Variants in LRRC36 observed in about 807,000 individuals in gnomAD.
LRRC36 encodes the protein leucine rich repeat containing 36.
A neutral mutation model predicts 81.1 loss-of-function variants in LRRC36; 62 were observed. That is an observed-to-expected ratio of 0.76 (90% CI 0.62 to 0.94). The LOEUF is 0.94. LRRC36 is among the 40% of genes least tolerant of loss of function. The pLI is 0.00. For synonymous variants in LRRC36, 334 were observed against 348.6 expected, an observed-to-expected ratio of 0.96 and a Z score of 0.47; for missense variants, 761 against 881.7, an observed-to-expected ratio of 0.86 and a Z score of 1.73.
In LRRC36 at chr16:67,378,625, G is replaced by A. The variant is rs924755081; in HGVS notation, c.1843G>A (p.Glu615Lys). The change falls in exon 12 of 14, where the codon GAA becomes AAA. Residue 615 changes from glutamate to lysine, a missense_variant. Glu to Lys is a moderately conservative substitution (Grantham distance 56). Around this residue, in one of 3 missense-constraint regions of LRRC36, gnomAD observed 359 missense variants for 388.4 expected, o/e 0.92. Coordinates refer to ENST00000329956, the MANE Select transcript of LRRC36 (RefSeq NM_018296.6). ...LKQKLVRVLE[E>K]NLILSEKIQQ... ...GCAAAAACTGGTCAGAGTGCTGGAG[G>A]AAAACCTCATTTTGTCAGAAAAAAT... 1.9e-6 allele frequency: 3 copies of A among 1,614,102 alleles called. No individual in the cohort carries two copies. The highest frequency in any genetic ancestry group is 3.3e-5 in the Admixed American group (2 of 60,022).
chr16:67,355,586 G>A (rs2038865983), intron 5 of LRRC36, among the ~76,000 whole-genome samples: 1 of 151,650 alleles, frequency 6.6e-6, no homozygotes, highest in Non-Finnish European at 1.5e-5. Context: ...GTTTTAGCCG[G>A]GATGGTCTCG....
intron 1 of LRRC36, among the ~76,000 whole-genome samples, chr16:67,334,628 C>T (rs1188818715): frequency 4.6e-5 from 7 of 151,952 alleles, no homozygotes; most frequent in East Asian, 1.9e-4. Flanking sequence ...CCTGGCCAGT[C>T]GTGTCCACCA....
chr16:67,340,639 G>C (rs1364230127), intron 1 of LRRC36, among the ~76,000 whole-genome samples: 1 of 151,612 alleles, frequency 6.6e-6, no homozygotes, highest in African/African-American at 2.4e-5. Context: ...TTGGGCGAAA[G>C]AGCAAGACTC....
At chr16:67,378,235 C>CTATTTTTTT (rs2039978641) in intron 11 of LRRC36, among the ~76,000 whole-genome samples, 1 of 100,522 alleles carries the variant, frequency 9.9e-6, no homozygotes. Context: ...ATGTCAGATT[C>CTATTTTTTT]TTTTTTTTTT....
At chr16:67,348,040 T>C (rs575578788) in intron 4 of LRRC36, among the ~76,000 whole-genome samples, 51 of 152,300 alleles carry the variant, frequency 3.3e-4, no homozygotes, top group Non-Finnish European at 1.5e-5. Flanking sequence ...TGAACAAACA[T>C]TGAGGCTCTA....
intron 6 of LRRC36, 34 bp downstream of exon 6, chr16:67,363,748 T>C: frequency 6.2e-7 from 1 of 1,606,116 alleles, no homozygotes; most frequent in Non-Finnish European, 8.5e-7. Context: ...ATCTGTTGAC[T>C]AGTCAATGAT....
At chr16:67,369,357 G>A (rs994246993) in intron 8 of LRRC36, among the ~76,000 whole-genome samples, 1 of 152,186 alleles carries the variant, frequency 6.6e-6, no homozygotes, top group Non-Finnish European at 1.5e-5. Flanking sequence ...TGTGTTTCAA[G>A]AAGGAGGGAG....
Position 67,376,543 on chromosome 16 carries a change from T to C in LRRC36, c.1661-184T>C, listed in dbSNP as rs79989304. On this transcript the variant is annotated intron_variant, in intron 10 of 13. Transcript: ENST00000329956. ...ACAAGGGGCTGCTGTTGTTTCTCCA[T>C]AGAGGATGTAGGATATAATTTCTTG... Among the ~76,000 whole-genome samples, 958 of 152,328 alleles carry C rather than the reference T, an allele frequency of 6.3e-3. 8 individuals are homozygous for C. The highest frequency in any genetic ancestry group is 0.022 in the African/African-American group (895 of 41,566).
intron 5 of LRRC36, among the ~76,000 whole-genome samples, chr16:67,361,352 G>A (rs1567487303): frequency 6.6e-6 from 1 of 151,940 alleles, no homozygotes. Context: ...TTGCTGACAG[G>A]CTCTTCTTGA....
At chr16:67,342,135 A>G (rs548958713) in intron 2 of LRRC36, 51 bp downstream of exon 2, 3 of 1,357,480 alleles carry the variant, frequency 2.2e-6, no homozygotes, top group East Asian at 2.5e-5. Flanking sequence ...TATTTTTTTG[A>G]TGGGAAGAAA....
At chr16:67,339,509 T>A (rs549354615) in intron 1 of LRRC36, among the ~76,000 whole-genome samples, 4 of 152,268 alleles carry the variant, frequency 2.6e-5, no homozygotes, top group East Asian at 3.9e-4. Context: ...CTGCTCCTTT[T>A]AAAAAAATAA....
chr16:67,367,409 C>T lies in LRRC36; in HGVS notation c.1147C>T (p.Leu383=), dbSNP rs370672371. 5 of 1,614,038 alleles carry T rather than the reference C, an allele frequency of 3.1e-6. No homozygotes were observed. The highest frequency in any genetic ancestry group is 3.4e-6 in the Non-Finnish European group (4 of 1,180,046). The part of the protein sequence containing the change: ...SHSCGDLLTS[L]SNPDSSTGRL... Reference sequence around the variant, plus strand: ...TTCCTGTGGAGACTTATTAACTTCTCTGTCAAACCCTGACTCCAGCACTGG... The same window carrying T: ...TTCCTGTGGAGACTTATTAACTTCTTTGTCAAACCCTGACTCCAGCACTGG... Residue 383 remains leucine (L), a synonymous_variant, in exon 8 of 14, where the codon CTG becomes TTG. Coordinates refer to ENST00000329956, the MANE Select transcript of LRRC36 (RefSeq NM_018296.6).
chr16:67,335,662 G>A (rs1445813948), intron 1 of LRRC36, among the ~76,000 whole-genome samples: 2 of 151,942 alleles, frequency 1.3e-5, no homozygotes, highest in African/African-American at 2.4e-5. Flanking sequence ...CACAATTTAT[G>A]TTCTTCTGCC....
At position 67,329,158 on chromosome 16, in the gene LRRC36, C is replaced by G. The variant is rs2037352523; in HGVS notation, c.70+2226C>G. 2.0e-5 allele frequency among the ~76,000 whole-genome samples: 3 copies of G among 152,176 alleles called. No homozygotes were observed. The South Asian group carries it at 6.2e-4, about 32-fold the overall frequency. Reference sequence around the variant, plus strand: ...TCCTGACCTCAAGTGATCCACCCACCTCAGCCTCCCTAAGAGTTGGGATTA... The same window carrying G: ...TCCTGACCTCAAGTGATCCACCCACGTCAGCCTCCCTAAGAGTTGGGATTA... On this transcript the variant is annotated intron_variant, in intron 1 of 13. Coordinates refer to ENST00000329956, the MANE Select transcript of LRRC36 (RefSeq NM_018296.6).
chr16:67,371,087 C>T lies in LRRC36; in HGVS notation c.1339C>T (p.Leu447=), dbSNP rs1232226357. 6.2e-7 allele frequency: 1 copy of T among 1,614,194 alleles called. No individual in the cohort carries two copies. The highest frequency in any genetic ancestry group is 8.5e-7 in the Non-Finnish European group (1 of 1,180,038). Reference sequence around the variant, plus strand: ...TGTCCTGGGAAACAGGACAACTCCTCTGCGGACACTGCTGTTGTCTCCTGG... The same window carrying T: ...TGTCCTGGGAAACAGGACAACTCCTTTGCGGACACTGCTGTTGTCTCCTGG... ...NAVLGNRTTP[L]RTLLLSPGTS... is the part of the protein sequence containing the mutation. Residue 447 remains leucine, a synonymous_variant, in exon 9 of 14, where the codon CTG becomes TTG. Transcript: ENST00000329956.
intron 5 of LRRC36, among the ~76,000 whole-genome samples, chr16:67,357,125 G>A (rs2038938081): frequency 1.3e-5 from 2 of 152,134 alleles, no homozygotes; most frequent in South Asian, 4.1e-4. Context: ...AGTCCTGGAG[G>A]ATACGAAAAT....
chr16:67,355,599 C>T (rs181838852), intron 5 of LRRC36, among the ~76,000 whole-genome samples: 3 of 152,082 alleles, frequency 2.0e-5, no homozygotes, highest in Non-Finnish European at 2.9e-5. Context: ...TGGTCTCGAT[C>T]TCCTGACCTC....
intron 8 of LRRC36, 91 bp downstream of exon 8, chr16:67,367,548 T>G: frequency 8.9e-7 from 1 of 1,129,548 alleles, no homozygotes; most frequent in Non-Finnish European, 1.3e-6. Flanking sequence ...CTTCTGAAAT[T>G]GTATTAGCAT....
At chr16:67,333,104 T>A (rs2037577881) in intron 1 of LRRC36, among the ~76,000 whole-genome samples, 1 of 151,870 alleles carries the variant, frequency 6.6e-6, no homozygotes, top group South Asian at 2.1e-4. Context: ...AAAGATATAA[T>A]TCACATACTA....
Sources: allele counts gnomAD v4.1 joint callset (sites outside exome capture counted in the v4.1 genomes callset), GRCh38; gene constraint gnomAD v4.1.1; regional missense constraint gnomAD v4.1.1; transcripts MANE v1.5; gene names NCBI Gene and HGNC (gene_info 2026-07-23, HGNC 2026-07-21).